RANBP17: variants seen among roughly 807,000 people sequenced by gnomAD.
The protein encoded by RANBP17 is ran-binding protein 17.
Under a neutral mutation model 141.2 loss-of-function variants are expected in RANBP17, and 158 were observed. That is an observed-to-expected ratio of 1.12 (90% CI 0.98 to 1.28). RANBP17 has a LOEUF of 1.28. Ranked by LOEUF, RANBP17 falls within the 50% of genes most tolerant of loss-of-function variation. The pLI is 0.00. For synonymous variants in RANBP17, 430 were observed against 450.0 expected (o/e 0.96, Z 0.56); for missense variants, 1,438 against 1,290.7 (o/e 1.11, Z -1.75).
chr5:171,081,877 A>G (rs1278195138), intron 14 of RANBP17, among the ~76,000 whole-genome samples: 5 of 152,222 alleles, frequency 3.3e-5, no homozygotes, highest in African/African-American at 1.2e-4. Context: ...CTACTCTTTC[A>G]TGAATCTGTT....
At chr5:171,149,079 C>G (rs898270469) in intron 14 of RANBP17, among the ~76,000 whole-genome samples, 3 of 152,162 alleles carry the variant, frequency 2.0e-5, no homozygotes, top group South Asian at 2.1e-4. Context: ...GTAGCTACCA[C>G]GTACAAGCTA....
At chr5:171,129,083 A>C (rs1756712644) in intron 14 of RANBP17, among the ~76,000 whole-genome samples, 1 of 152,046 alleles carries the variant, frequency 6.6e-6, no homozygotes, top group South Asian at 2.1e-4. Flanking sequence ...CCCAACCCCC[A>C]TCACCATTCT....
At chr5:171,121,021 C>G (rs1389750805) in intron 14 of RANBP17, among the ~76,000 whole-genome samples, 1 of 152,116 alleles carries the variant, frequency 6.6e-6, no homozygotes, top group Non-Finnish European at 1.5e-5. Context: ...GTCGTGTATG[C>G]AAGTGTCTCA....
intron 4 of RANBP17, 57 bp from the exon 5 acceptor site, chr5:170,895,993 C>A: frequency 9.9e-7 from 1 of 1,007,670 alleles, no homozygotes; most frequent in Non-Finnish European, 1.5e-6. Flanking sequence ...CTGGTATATA[C>A]ATTAAGAACC....
At chr5:171,090,946 C>G (rs1396943530) in intron 14 of RANBP17, among the ~76,000 whole-genome samples, 1 of 152,216 alleles carries the variant, frequency 6.6e-6, no homozygotes, top group Non-Finnish European at 1.5e-5. Context: ...GGGCGAGGCC[C>G]TCATGGAGAA....
intron 22 of RANBP17, among the ~76,000 whole-genome samples, chr5:171,239,554 T>G (rs1764734192): frequency 6.6e-6 from 1 of 151,820 alleles, no homozygotes; most frequent in Admixed American, 6.6e-5. Flanking sequence ...GAGTTGGAGG[T>G]TCAGGGGAAA....
At position 171,102,433 on chromosome 5, in the gene RANBP17, T is replaced by C. The variant is rs1787236647; in HGVS notation, c.1711-67697T>C. Among the ~76,000 whole-genome samples, 4 of 152,124 alleles carry C rather than the reference T, an allele frequency of 2.6e-5. No homozygotes were observed. In the South Asian group the frequency reaches 8.3e-4, roughly 31 times the overall value. On this transcript the variant is annotated intron_variant, in intron 14 of 27. Coordinates refer to ENST00000523189, the MANE Select transcript of RANBP17 (RefSeq NM_022897.5). ...TCACAAACTTCTCGTGCTGTTTTTT[T>C]CAGCTCCATCAGGTCATTTATGTTC...
chr5:170,868,464 A>G (rs1452848129), intron 1 of RANBP17, among the ~76,000 whole-genome samples: 1 of 150,822 alleles, frequency 6.6e-6, no homozygotes, highest in Non-Finnish European at 1.5e-5. Flanking sequence ...AAGAGATGGC[A>G]TTTTGCCACA....
At chr5:170,926,478 A>G (rs1772930307) in intron 12 of RANBP17, among the ~76,000 whole-genome samples, 1 of 151,722 alleles carries the variant, frequency 6.6e-6, no homozygotes, top group African/African-American at 2.4e-5. Flanking sequence ...TCTTTTGTTC[A>G]TTTCCACCTC....
chr5:171,093,079 T>C (rs1561646651), intron 14 of RANBP17, among the ~76,000 whole-genome samples: 1 of 152,134 alleles, frequency 6.6e-6, no homozygotes, highest in Admixed American at 6.6e-5. Flanking sequence ...AAATTTGTTA[T>C]TAAGCCCATA....
At chr5:171,237,486 T>C (rs1764613926) in intron 22 of RANBP17, among the ~76,000 whole-genome samples, 1 of 152,166 alleles carries the variant, frequency 6.6e-6, no homozygotes, top group Admixed American at 6.6e-5. Context: ...CACAGTATTC[T>C]TTTCCCCTGA....
chr5:171,282,448 A>G (rs955802571), intron 25 of RANBP17, among the ~76,000 whole-genome samples: 1 of 150,056 alleles, frequency 6.7e-6, no homozygotes, highest in Non-Finnish European at 1.5e-5. Flanking sequence ...AAAGGAAGAA[A>G]GCTGCATGTT....
At chr5:170,991,164 T>C (rs1032315719) in intron 14 of RANBP17, among the ~76,000 whole-genome samples, 1 of 151,996 alleles carries the variant, frequency 6.6e-6, no homozygotes. Context: ...CTGTAGGAGA[T>C]GAAAATTATT....
chr5:171,080,349 G>C (rs959921591), intron 14 of RANBP17, among the ~76,000 whole-genome samples: 2 of 152,028 alleles, frequency 1.3e-5, no homozygotes, highest in African/African-American at 4.8e-5. Flanking sequence ...AAAGGACAAA[G>C]TGCTCTGACC....
At chr5:171,166,143 A>G (rs138137853) in intron 14 of RANBP17, among the ~76,000 whole-genome samples, 3 of 152,324 alleles carry the variant, frequency 2.0e-5, no homozygotes, top group African/African-American at 2.4e-5. Context: ...CTTACAGTCT[A>G]TTATGCAGGC....
intron 13 of RANBP17, among the ~76,000 whole-genome samples, chr5:170,966,446 A>G (rs1776571845): frequency 6.6e-6 from 1 of 152,232 alleles, no homozygotes; most frequent in African/African-American, 2.4e-5. Flanking sequence ...CAAAAACCAC[A>G]TGATTATCTC....
intron 14 of RANBP17, among the ~76,000 whole-genome samples, chr5:170,997,004 T>A (rs1003967255): frequency 1.3e-5 from 2 of 152,108 alleles, no homozygotes; most frequent in Non-Finnish European, 2.9e-5. Flanking sequence ...ATAATCGTCA[T>A]GTGTCAAAAG....
rs532258002 is a variant in RANBP17, at chr5:170,968,188, T to C, written c.1575-54T>C. The C allele has an allele frequency of 1.6e-5, 21 of 1,280,706 alleles. No individual in the cohort carries two copies. The East Asian group carries it at 5.1e-4, about 31-fold the overall frequency. 79.3% of individuals were successfully genotyped at this position (1,280,706 alleles called of 1,614,324 possible). A position where few individuals can be genotyped will look rare whatever the true frequency, so the allele number is the denominator to read the frequency against. ...ACATTTATGGTAAATGTTTTAATGT[T>C]GTTTCTCTAAGGTTTTGTACTGAAG... On this transcript the variant is annotated intron_variant, in intron 13 of 27. Coordinates refer to ENST00000523189, the MANE Select transcript of RANBP17 (RefSeq NM_022897.5).
chr5:171,225,950 A>G (rs1028812029), intron 22 of RANBP17, among the ~76,000 whole-genome samples: 1 of 152,208 alleles, frequency 6.6e-6, no homozygotes, highest in Admixed American at 6.5e-5. Context: ...GAGGTTAGCC[A>G]CAGTAGCACA....
Sources: gnomAD v4.1 joint callset for allele counts (sites outside exome capture counted in the v4.1 genomes callset) on GRCh38, gnomAD v4.1.1 for gene constraint, MANE v1.5 for transcripts, NCBI Gene and HGNC (gene_info 2026-07-23, HGNC 2026-07-21) for gene names.